PRKN: variants seen among roughly 807,000 people sequenced by gnomAD.
PRKN encodes the protein parkin RBR E3 ubiquitin protein ligase.
In PRKN, 56 loss-of-function variants were observed where a neutral mutation model predicts 59.5. That is an observed-to-expected ratio of 0.94 (90% confidence interval 0.76 to 1.18). PRKN has a LOEUF of 1.18. Ranked by LOEUF, PRKN falls within the 50% of genes most tolerant of loss-of-function variation. The pLI, the probability that PRKN is intolerant of heterozygous loss-of-function variation, is 0.00. For synonymous variants in PRKN, 250 were observed against 222.1 expected (o/e 1.13, Z -1.12); for missense variants, 657 against 596.4 (o/e 1.10, Z -1.06).
chr6:161,610,183 T>A (rs1001859268), intron 7 of PRKN, among the ~76,000 whole-genome samples: 3 of 152,102 alleles, frequency 2.0e-5, no homozygotes, highest in Non-Finnish European at 4.4e-5. Context: ...ACTAACACTG[T>A]CCCTGTGTCA....
chr6:162,491,704 T>C (rs1194848401), intron 1 of PRKN, among the ~76,000 whole-genome samples: 5 of 152,152 alleles, frequency 3.3e-5, no homozygotes, highest in African/African-American at 1.2e-4. Flanking sequence ...GCAGATGCCT[T>C]TGAGGCCCAT....
chr6:161,489,360 G>A (rs1294175215), intron 9 of PRKN, among the ~76,000 whole-genome samples: 2 of 152,060 alleles, frequency 1.3e-5, no homozygotes, highest in Non-Finnish European at 2.9e-5. Context: ...AGGAGTTCAA[G>A]ACCAGTCTGG....
At chr6:162,365,237 G>C (rs532782026) in intron 2 of PRKN, among the ~76,000 whole-genome samples, 24 of 152,100 alleles carry the variant, frequency 1.6e-4, no homozygotes, top group Admixed American at 1.2e-3. Context: ...TGTATATTTT[G>C]ATATTGTATT....
Position 162,443,367 on chromosome 6 carries a change from AGCCGGAACCC to A in PRKN, c.104_113del (p.Gly35ValfsTer6). The A allele has an allele frequency of 6.2e-7, 1 of 1,613,646 alleles. No individual in the cohort carries two copies. The highest frequency in any genetic ancestry group is 8.5e-7 in the Non-Finnish European group (1 of 1,180,028). On this transcript the variant is annotated frameshift_variant, in exon 2 of 12. Coordinates refer to ENST00000366898, the MANE Select transcript of PRKN (RefSeq NM_004562.3). LOFTEE classifies it high-confidence loss of function. ...CTGCGAAAATCACACGCAACTGGTC[AGCCGGAACCC>A]CCTGTCGCTTAGCAACCACCTCCTT... is the stretch of plus-strand genomic sequence containing the variant.
intron 6 of PRKN, among the ~76,000 whole-genome samples, chr6:161,876,705 A>C (rs144178626): frequency 6.6e-6 from 1 of 152,118 alleles, no homozygotes; most frequent in Non-Finnish European, 1.5e-5. Flanking sequence ...CATGTATGTG[A>C]TTTTGAAAAT....
At chr6:161,877,259 TCCTGTCTGGAC>T (rs1231434357) in intron 6 of PRKN, among the ~76,000 whole-genome samples, 1 of 151,990 alleles carries the variant, frequency 6.6e-6, no homozygotes, top group African/African-American at 2.4e-5. Flanking sequence ...GCCCCATTCC[TCCTGTCTGGAC>T]CCTGCTAGGT....
intron 3 of PRKN, among the ~76,000 whole-genome samples, chr6:162,227,265 T>C (rs764304473): frequency 6.6e-6 from 1 of 152,216 alleles, no homozygotes; most frequent in African/African-American, 2.4e-5. Context: ...ATTGCATTCA[T>C]TTTTAGCTAT....
chr6:161,898,746 T>C (rs1157309651), intron 6 of PRKN, among the ~76,000 whole-genome samples: 1 of 152,196 alleles, frequency 6.6e-6, no homozygotes, highest in Non-Finnish European at 1.5e-5. Context: ...AAACATGGTT[T>C]AATCAGATGA....
In PRKN at chr6:161,428,943, T is replaced by C. The variant is rs913298880; in HGVS notation, c.1084-42066A>G. ...CCACCTTCTTCCTGATGGCCAGGCA[T>C]ACATTCCTGCCCTAAGACTGGAAGG... On this transcript the variant is annotated intron_variant, in intron 9 of 11. Coordinates refer to ENST00000366898, the MANE Select transcript of PRKN (RefSeq NM_004562.3). The surrounding 1 kb of genome is among the most constrained non-coding windows in gnomAD (Gnocchi z 4.0). Among the ~76,000 whole-genome samples, 2 of 152,284 alleles carry C rather than the reference T, an allele frequency of 1.3e-5. No homozygotes were observed. The highest frequency in any genetic ancestry group is 1.5e-5 in the Non-Finnish European group (1 of 68,024).
chr6:162,258,047 CG>C (rs1188287361), intron 3 of PRKN, among the ~76,000 whole-genome samples: 1 of 152,166 alleles, frequency 6.6e-6, no homozygotes, highest in East Asian at 1.9e-4. Flanking sequence ...CTGGGGCTCA[CG>C]AGTTGCTGTC....
intron 1 of PRKN, among the ~76,000 whole-genome samples, chr6:162,484,543 T>C (rs559464871): frequency 6.6e-6 from 1 of 152,320 alleles, no homozygotes; most frequent in African/African-American, 2.4e-5. Context: ...ACAAACAGCT[T>C]AGCAGGTGTA....
intron 7 of PRKN, among the ~76,000 whole-genome samples, chr6:161,606,713 C>T (rs1184159076): frequency 6.6e-6 from 1 of 152,170 alleles, no homozygotes; most frequent in Non-Finnish European, 1.5e-5. Flanking sequence ...CATTTAGGTG[C>T]AGCACCACCG....
chr6:161,801,021 A>G (rs932266713), intron 6 of PRKN, among the ~76,000 whole-genome samples: 1 of 152,178 alleles, frequency 6.6e-6, no homozygotes, highest in African/African-American at 2.4e-5. Context: ...GGCTTAATGC[A>G]TGAATGCATG....
intron 1 of PRKN, among the ~76,000 whole-genome samples, chr6:162,456,315 A>G (rs1181878686): frequency 6.6e-6 from 1 of 152,132 alleles, no homozygotes; most frequent in African/African-American, 2.4e-5. Context: ...TAATTAAGGG[A>G]TTTATTTCTA....
intron 1 of PRKN, among the ~76,000 whole-genome samples, chr6:162,653,787 T>G (rs1778537045): frequency 6.6e-6 from 1 of 152,230 alleles, no homozygotes; most frequent in Admixed American, 6.5e-5. Context: ...TTCTAACTGG[T>G]TGCCAACAGT....
intron 7 of PRKN, among the ~76,000 whole-genome samples, chr6:161,632,685 T>A (rs1014513364): frequency 6.6e-6 from 1 of 152,192 alleles, no homozygotes; most frequent in African/African-American, 2.4e-5. Context: ...GAGATTTAAT[T>A]TATTCACAGT....
At chr6:161,703,832 T>G (rs1446834645) in intron 7 of PRKN, among the ~76,000 whole-genome samples, 1 of 125,260 alleles carries the variant, frequency 8.0e-6, no homozygotes, top group Non-Finnish European at 1.6e-5. Flanking sequence ...TCTCTCTCTC[T>G]CTCTCTCTTT....
rs546346133 is a variant in PRKN at position 162,348,473 on chromosome 6, T to C, written c.172-85708A>G. ...ACGAGGAATGCAATAAATACCTATA[T>C]TAGAAAAGAAGATCTCAAATCAATG... On this transcript the variant is annotated intron_variant, in intron 2 of 11. Transcript: ENST00000366898. Among the ~76,000 whole-genome samples the C allele has an allele frequency of 9.2e-5, 14 of 152,206 alleles. No homozygotes were observed. The South Asian group carries it at 2.9e-3, about 32-fold the overall frequency.
At chr6:162,213,288 G>A (rs962015952) in intron 3 of PRKN, among the ~76,000 whole-genome samples, 1 of 152,158 alleles carries the variant, frequency 6.6e-6, no homozygotes, top group African/African-American at 2.4e-5. Flanking sequence ...AACACTAGTA[G>A]TTTGTGAGAA....
Sources: allele counts gnomAD v4.1 joint callset (sites outside exome capture counted in the v4.1 genomes callset), GRCh38; gene constraint gnomAD v4.1.1; non-coding constraint Gnocchi (gnomAD v3.1); transcripts MANE v1.5; gene names NCBI Gene and HGNC (gene_info 2026-07-23, HGNC 2026-07-21).